Variants in MAML2 observed in about 807,000 individuals in gnomAD.
The protein encoded by MAML2 is mastermind like transcriptional coactivator 2, also known as mastermind-like protein 2.
In MAML2, 22 loss-of-function variants were observed where a neutral mutation model predicts 96.1. The observed-to-expected ratio is 0.23, with a 90% CI of 0.16 to 0.33. The LOEUF is 0.33. Among genes scored for constraint, MAML2 ranks in the 10% least tolerant of loss-of-function variants. MAML2 has a pLI of 1.00. For synonymous variants in MAML2, 561 were observed against 521.3 expected (o/e 1.08, Z -1.04); for missense variants, 1,367 against 1,392.4 (o/e 0.98, Z 0.29).
intron 1 of MAML2, among the ~76,000 whole-genome samples, chr11:96,140,315 G>A (rs555804095): frequency 4.3e-4 from 65 of 152,262 alleles, no homozygotes; most frequent in Non-Finnish European, 7.2e-4. Flanking sequence ...TATTTTTCTT[G>A]TTAGTTCTTT....
chr11:96,043,472 T>C (rs1297971091), intron 2 of MAML2, among the ~76,000 whole-genome samples: 1 of 152,210 alleles, frequency 6.6e-6, no homozygotes, highest in Non-Finnish European at 1.5e-5. Context: ...GGCTGCCAAA[T>C]ATACTTTAAT....
chr11:96,236,110 A>C (rs1862363980), intron 1 of MAML2, among the ~76,000 whole-genome samples: 1 of 152,220 alleles, frequency 6.6e-6, no homozygotes, highest in Non-Finnish European at 1.5e-5. Flanking sequence ...CAAAGGCGAA[A>C]CTTTCTTTTT....
At chr11:96,179,912 C>A (rs774884119) in intron 1 of MAML2, among the ~76,000 whole-genome samples, 1 of 152,204 alleles carries the variant, frequency 6.6e-6, no homozygotes, top group Non-Finnish European at 1.5e-5. Context: ...CAACTAGGAG[C>A]TGACATTGCT....
At chr11:95,993,621 CAT>C (rs1857949325) in intron 2 of MAML2, among the ~76,000 whole-genome samples, 1 of 152,148 alleles carries the variant, frequency 6.6e-6, no homozygotes, top group African/African-American at 2.4e-5. Flanking sequence ...CATGATACCA[CAT>C]GAGTAGAGGT....
At chr11:96,056,712 C>T (rs1172315870) in intron 2 of MAML2, among the ~76,000 whole-genome samples, 1 of 152,204 alleles carries the variant, frequency 6.6e-6, no homozygotes, top group Non-Finnish European at 1.5e-5. Context: ...CAGAGAAATA[C>T]ACTTTCTTTG....
At chr11:96,050,214 G>T (rs1382859774) in intron 2 of MAML2, among the ~76,000 whole-genome samples, 1 of 152,190 alleles carries the variant, frequency 6.6e-6, no homozygotes, top group East Asian at 1.9e-4. Flanking sequence ...ATTTATACAA[G>T]TGAGTGTATG....
intron 1 of MAML2, among the ~76,000 whole-genome samples, chr11:96,206,546 C>T (rs769860614): frequency 5.9e-5 from 9 of 152,112 alleles, no homozygotes; most frequent in Non-Finnish European, 1.3e-4. Context: ...TGCAGTGAGC[C>T]GAGATTGTAC....
At chr11:96,295,969 C>T (rs1312994599) in intron 1 of MAML2, among the ~76,000 whole-genome samples, 1 of 151,824 alleles carries the variant, frequency 6.6e-6, no homozygotes, top group East Asian at 1.9e-4. Flanking sequence ...CACACACACA[C>T]ACACACACAC....
At position 96,169,237 on chromosome 11, in the gene MAML2, A is replaced by T. The variant is rs1861242518; in HGVS notation, c.514-75720T>A. Among the ~76,000 whole-genome samples, 3 of 152,208 alleles carry T rather than the reference A, an allele frequency of 2.0e-5. No homozygotes were observed. In the South Asian group the frequency reaches 6.2e-4, roughly 32 times the overall value. ...AGTTTCCAAATGTCAATCAATAGCA[A>T]CACAACTGGATTTTTTAAAGTGAAG... On this transcript the variant is annotated intron_variant, in intron 1 of 4. Coordinates refer to ENST00000524717, the MANE Select transcript of MAML2 (RefSeq NM_032427.4).
intron 2 of MAML2, among the ~76,000 whole-genome samples, chr11:96,080,438 A>G (rs1420417581): frequency 6.6e-6 from 1 of 152,232 alleles, no homozygotes; most frequent in African/African-American, 2.4e-5. Flanking sequence ...TTACTTTGAT[A>G]AAGGTAAGAC....
chr11:96,165,207 A>AT (rs529516650), intron 1 of MAML2, among the ~76,000 whole-genome samples: 3 of 151,396 alleles, frequency 2.0e-5, no homozygotes, highest in Non-Finnish European at 4.4e-5. Context: ...TATTAAGAAT[A>AT]TTTTTTTTTG....
At chr11:96,238,934 T>C (rs1862398178) in intron 1 of MAML2, among the ~76,000 whole-genome samples, 1 of 151,958 alleles carries the variant, frequency 6.6e-6, no homozygotes, top group Non-Finnish European at 1.5e-5. Flanking sequence ...GTGGAGAAAA[T>C]AGAAAATGAA....
chr11:96,298,187 A>G (rs182843544), intron 1 of MAML2, among the ~76,000 whole-genome samples: 1 of 152,354 alleles, frequency 6.6e-6, no homozygotes, highest in Admixed American at 6.5e-5. Context: ...AGTGACATCC[A>G]TCTTTGCAGC....
At chr11:96,111,377 T>G (rs2135832692) in intron 1 of MAML2, among the ~76,000 whole-genome samples, 1 of 152,272 alleles carries the variant, frequency 6.6e-6, no homozygotes, top group East Asian at 1.9e-4. Context: ...GCGCCAACAG[T>G]CATACGCAGA....
At chr11:96,254,604 A>T (rs11021497) in intron 1 of MAML2, among the ~76,000 whole-genome samples, 2 of 151,868 alleles carry the variant, frequency 1.3e-5, no homozygotes, top group Admixed American at 1.3e-4. Context: ...CAAAACAAAA[A>T]AAAAACTCTT....
At chr11:96,230,373 G>T (rs1397834627) in intron 1 of MAML2, among the ~76,000 whole-genome samples, 1 of 151,960 alleles carries the variant, frequency 6.6e-6, no homozygotes, top group Non-Finnish European at 1.5e-5. Context: ...CAATTTAAAT[G>T]CATTACTTCA....
At chr11:96,050,998 AAATGTCT>A (rs1467028335) in intron 2 of MAML2, among the ~76,000 whole-genome samples, 1 of 152,186 alleles carries the variant, frequency 6.6e-6, no homozygotes, top group East Asian at 1.9e-4. Context: ...TTAGGAGTCT[AAATGTCT>A]AGCTGAGCCT....
chr11:96,218,038 C>A (rs1862076014), intron 1 of MAML2, among the ~76,000 whole-genome samples: 1 of 152,216 alleles, frequency 6.6e-6, no homozygotes, highest in African/African-American at 2.4e-5. Context: ...CATTTCTCTG[C>A]AGAATACTTT....
intron 2 of MAML2, among the ~76,000 whole-genome samples, chr11:96,064,315 C>A (rs936190661): frequency 6.6e-6 from 1 of 152,122 alleles, no homozygotes; most frequent in Non-Finnish European, 1.5e-5. Flanking sequence ...TGGTCAAGTC[C>A]GCTCTAGAAA....
Sources: allele counts gnomAD v4.1 joint callset (sites outside exome capture counted in the v4.1 genomes callset), GRCh38; gene constraint gnomAD v4.1.1; transcripts MANE v1.5; gene names NCBI Gene and HGNC (gene_info 2026-07-23, HGNC 2026-07-21).